Variants in CDC42 observed in about 807,000 individuals in gnomAD.
CDC42 encodes the protein cell division control protein 42 homolog.
Under a neutral mutation model 20.8 loss-of-function variants are expected in CDC42, and 1 was observed. The observed-to-expected ratio is 0.05, with a 90% CI of 0.02 to 0.23. The LOEUF (loss-of-function observed/expected upper bound fraction) is 0.23. Among genes scored for constraint, CDC42 ranks in the 10% least tolerant of loss-of-function variants. The pLI, the probability that CDC42 is intolerant of heterozygous loss-of-function variation, is 1.00. For missense variants in CDC42, 49 were observed against 227.9 expected (o/e 0.21, Z 5.05); for synonymous variants, 72 against 84.8 (o/e 0.85, Z 0.83).
intron 3 of CDC42, among the ~76,000 whole-genome samples, chr1:22,085,785 G>A (rs1475426670): frequency 1.3e-5 from 2 of 152,126 alleles, no homozygotes; most frequent in Admixed American, 1.3e-4. Context: ...ATGATGGGCA[G>A]TGGATTTTGT....
chr1:22,073,064 C>T (rs535378395), intron 1 of CDC42, among the ~76,000 whole-genome samples: 1 of 152,272 alleles, frequency 6.6e-6, no homozygotes, highest in South Asian at 2.1e-4. Context: ...TATCCCCTTC[C>T]TCCATACAGA....
chr1:22,079,359 G>A (rs1645585518), intron 2 of CDC42, among the ~76,000 whole-genome samples: 1 of 151,800 alleles, frequency 6.6e-6, no homozygotes. Flanking sequence ...GGCTGGTCTT[G>A]AACTCCTGAC....
chr1:22,065,463 T>C (rs1268238790), intron 1 of CDC42, among the ~76,000 whole-genome samples: 1 of 152,246 alleles, frequency 6.6e-6, no homozygotes, highest in African/African-American at 2.4e-5. Context: ...TTCCCTCTTA[T>C]TCATGATATT....
At chr1:22,065,494 C>A (rs1457490109) in intron 1 of CDC42, among the ~76,000 whole-genome samples, 1 of 152,188 alleles carries the variant, frequency 6.6e-6, no homozygotes, top group Admixed American at 6.5e-5. Context: ...TACTTAACAA[C>A]TGTTCTGACC....
Position 22,094,155 on chromosome 1 carries a change from G to A in CDC42, c.*2638G>A, listed in dbSNP as rs1273983499. ...TTAGAAGGTGAGTGATATTCTCCAG[G>A]GAGTATGATTTAGAGGCTGGAAAGG... On this transcript the variant is annotated 3_prime_UTR_variant, in exon 6 of 6. Transcript: ENST00000656825. Among the ~76,000 whole-genome samples the A allele has an allele frequency of 6.6e-6, 1 of 151,888 alleles. No homozygotes were observed. The highest frequency in any genetic ancestry group is 1.5e-5 in the Non-Finnish European group (1 of 67,992).
chr1:22,062,510 C>A (rs144956014), intron 1 of CDC42, among the ~76,000 whole-genome samples: 1 of 152,036 alleles, frequency 6.6e-6, no homozygotes, highest in East Asian at 1.9e-4. Flanking sequence ...TGTAGACTTA[C>A]GACCAAATTA....
At position 22,099,224 on chromosome 1, in the gene CDC42, C is replaced by T. The variant is rs1645775246; in HGVS notation, c.*7707C>T. ...TGCATTAAGGAAGGAATATTAATCACATCCAGGAGGGCTCTGCCCTAACTG... is the reference window on the plus strand; with the variant it reads ...TGCATTAAGGAAGGAATATTAATCATATCCAGGAGGGCTCTGCCCTAACTG... On this transcript the variant is annotated 3_prime_UTR_variant, in exon 6 of 6. Coordinates refer to ENST00000656825, the MANE Select transcript of CDC42 (RefSeq NM_001791.4). Among the ~76,000 whole-genome samples the T allele has an allele frequency of 1.3e-5, 2 of 152,248 alleles. No individual in the cohort carries two copies. Among genetic ancestry groups the T allele is most frequent in the Non-Finnish European group, 1.5e-5 (1 of 68,046 alleles).
chr1:22,053,139 C>T (rs1170428374), intron 1 of CDC42, among the ~76,000 whole-genome samples: 1 of 151,334 alleles, frequency 6.6e-6, no homozygotes, highest in Admixed American at 6.6e-5. Context: ...CTCAGAGCGA[C>T]TCGCGGGCGC....
intron 1 of CDC42, among the ~76,000 whole-genome samples, chr1:22,067,805 G>A (rs982425510): frequency 6.6e-6 from 1 of 152,194 alleles, no homozygotes; most frequent in Non-Finnish European, 1.5e-5. Flanking sequence ...ACGTCACACT[G>A]GTGATCAGGT....
intron 5 of CDC42, chr1:22,090,234 TGTTTTAAC>T: frequency 7.9e-7 from 1 of 1,261,798 alleles, no homozygotes; most frequent in Non-Finnish European, 1.0e-6. Flanking sequence ...AAGTTGGACT[TGTTTTAAC>T]GTTCTGCTGC....
chr1:22,066,823 G>C (rs1645429169), intron 1 of CDC42, among the ~76,000 whole-genome samples: 1 of 152,164 alleles, frequency 6.6e-6, no homozygotes. Flanking sequence ...CAGAACTTTG[G>C]GAGGCCGAGG....
intron 1 of CDC42, among the ~76,000 whole-genome samples, chr1:22,068,180 A>C (rs1027253137): frequency 6.6e-6 from 1 of 152,196 alleles, no homozygotes; most frequent in Non-Finnish European, 1.5e-5. Flanking sequence ...CATCCATTAC[A>C]CATCTGTTTC....
At chr1:22,089,915 A>G (rs1645698910) in intron 5 of CDC42, 4 of 1,609,350 alleles carry the variant, frequency 2.5e-6, no homozygotes, top group Non-Finnish European at 2.5e-6. Context: ...CCTGGCTGCT[A>G]TTCTCTCTCC....
chr1:22,070,014 C>G (rs191077841), intron 1 of CDC42, among the ~76,000 whole-genome samples: 1 of 152,138 alleles, frequency 6.6e-6, no homozygotes. Flanking sequence ...TCTCAAACTC[C>G]TGGCCTCAAG....
chr1:22,062,216 G>A (rs1321376484), intron 1 of CDC42, among the ~76,000 whole-genome samples: 8 of 152,206 alleles, frequency 5.3e-5, no homozygotes, highest in Non-Finnish European at 1.0e-4. Context: ...GATTACAGGC[G>A]TGAGCCTCCA....
chr1:22,088,552 C>T (rs1645685324), intron 5 of CDC42, among the ~76,000 whole-genome samples: 2 of 152,126 alleles, frequency 1.3e-5, no homozygotes, highest in Non-Finnish European at 2.9e-5. Context: ...AACTTTGAGG[C>T]TTACAGATTC....
intron 3 of CDC42, among the ~76,000 whole-genome samples, chr1:22,082,875 ATTTTTAT>A (rs1262350057): frequency 7.1e-6 from 1 of 140,212 alleles, no homozygotes; most frequent in Admixed American, 7.3e-5. Context: ...CACAGAGAAA[ATTTTTAT>A]TTTTTTTTTT....
At chr1:22,076,015 A>AT (rs1162393162) in intron 1 of CDC42, among the ~76,000 whole-genome samples, 12 of 152,096 alleles carry the variant, frequency 7.9e-5, no homozygotes, top group Non-Finnish European at 1.5e-4. Context: ...CTTAGCCCCT[A>AT]TTTTTTGCTT....
intron 1 of CDC42, among the ~76,000 whole-genome samples, chr1:22,066,919 C>T (rs1034311556): frequency 1.2e-4 from 18 of 152,094 alleles, no homozygotes; most frequent in Non-Finnish European, 2.5e-4. Context: ...CAAAATTAGC[C>T]GGGTGTGGTG....
Sources: gnomAD v4.1 joint callset for allele counts (sites outside exome capture counted in the v4.1 genomes callset) on GRCh38, gnomAD v4.1.1 for gene constraint, MANE v1.5 for transcripts, NCBI Gene and HGNC (gene_info 2026-07-23, HGNC 2026-07-21) for gene names.